The following ANAPC15 variants were observed in gnomAD, a reference collection of about 807,000 sequenced individuals.
ANAPC15 encodes anaphase-promoting complex subunit 15.
Under a neutral mutation model 19.8 loss-of-function variants are expected in ANAPC15, and 13 were observed. That is an observed-to-expected ratio of 0.66 (90% CI 0.43 to 1.04). The LOEUF (loss-of-function observed/expected upper bound fraction) is 1.04. Among genes scored for constraint, ANAPC15 ranks in the 50% least tolerant of loss-of-function variants. ANAPC15 has a pLI of 0.00. For synonymous variants in ANAPC15, 45 were observed against 50.7 expected (o/e 0.89, Z 0.47); for missense variants, 88 against 150.3 (o/e 0.59, Z 2.17).
At position 72,111,095 on chromosome 11, in the gene ANAPC15, G is replaced by A. The variant is rs1946753554; in HGVS notation, c.120+62C>T. 8 of 1,002,740 alleles carry A rather than the reference G, an allele frequency of 8.0e-6. No individual in the cohort carries two copies. In the South Asian group the frequency reaches 9.4e-5, roughly 12 times the overall value. 62.1% of individuals were successfully genotyped at this position (1,002,740 alleles called of 1,614,324 possible). On this transcript the variant is annotated intron_variant, in intron 3 of 5. Coordinates refer to ENST00000227618, the MANE Select transcript of ANAPC15 (RefSeq NM_014042.3). ...ATTTCTGGAGTAAGGCTGGGTCATG[G>A]CCCACTGAAGGAGGTCTCTGTCTGT...
Position 72,109,597 on chromosome 11 carries a change from C to T in ANAPC15, c.*284G>A. Reference sequence around the variant, plus strand: ...GGGAATAGACATGGGTGGAAAATCACTCCTTTGTCTTTATTAAAGAAACTT... The same window carrying T: ...GGGAATAGACATGGGTGGAAAATCATTCCTTTGTCTTTATTAAAGAAACTT... On this transcript the variant is annotated 3_prime_UTR_variant, in exon 6 of 6. Coordinates refer to ENST00000227618, the MANE Select transcript of ANAPC15 (RefSeq NM_014042.3). The T allele has an allele frequency of 3.6e-6, 2 of 552,640 alleles. No homozygotes were observed. The highest frequency in any genetic ancestry group is 4.1e-5 in the South Asian group (2 of 49,144). The allele number at this position is 552,640 out of a possible 1,614,324, so 34.2% of individuals were successfully genotyped here.
intron 3 of ANAPC15, chr11:72,110,864 C>G (rs1479539397): frequency 3.5e-6 from 2 of 577,432 alleles, no homozygotes; most frequent in African/African-American, 1.9e-5. Flanking sequence ...AAAGCATCAT[C>G]TGCTAGATCC....
chr11:72,108,122 C>A, downstream of ANAPC15: 2 of 1,495,978 alleles, frequency 1.3e-6, no homozygotes, highest in South Asian at 1.3e-5. Context: ...AGCACATGGT[C>A]AGCCTCCCAT....
At chr11:72,110,021 T>C (rs1484928645) in intron 5 of ANAPC15, 67 bp downstream of exon 5, 1 of 1,613,990 alleles carries the variant, frequency 6.2e-7, no homozygotes, top group South Asian at 1.1e-5. Context: ...TCTGTACCCC[T>C]TGGCCATCAA....
At chr11:72,107,312 C>T (rs1381872952), downstream of ANAPC15, 3 of 607,670 alleles carry the variant, frequency 4.9e-6, no homozygotes, top group Non-Finnish European at 5.9e-6. Context: ...ATCAGAAATA[C>T]ATTTGATGAG....
rs1946319663 is a variant in ANAPC15, at chr11:72,110,106, A to G, written c.300T>C (p.Asp100=). 1 of 1,613,974 alleles carries G rather than the reference A, an allele frequency of 6.2e-7. No homozygotes were observed. The highest frequency in any genetic ancestry group is 1.1e-5 in the South Asian group (1 of 91,088). The change falls in exon 5 of 6, where the codon GAT becomes GAC. Residue 100 remains aspartate, a synonymous_variant. Transcript: ENST00000227618. ...TGCCTACCTCATTGACCTCTCCATC[A>G]TCCGGTGACTCATTGTAGTCATTCA... ...DEMNDYNESP[D]DGEVNEVDME...
At chr11:72,112,770 C>G (rs61889218), upstream of ANAPC15, 1 of 456,124 alleles carries the variant, frequency 2.2e-6, no homozygotes. Flanking sequence ...TTGTTTTCCC[C>G]GCTCCCGCCC....
chr11:72,107,207 C>T, downstream of ANAPC15: 1 of 536,954 alleles, frequency 1.9e-6, no homozygotes, highest in Non-Finnish European at 3.3e-6. Context: ...GTCAAGGCTG[C>T]AGTGAGCCGT....
At chr11:72,112,452 G>A in intron 1 of ANAPC15, 198 bp downstream of exon 1, 1 of 274,198 alleles carries the variant, frequency 3.6e-6, no homozygotes, top group South Asian at 2.9e-5. Context: ...GACAGGAAGT[G>A]ACACCAATGA....
downstream of ANAPC15, chr11:72,108,249 T>G (rs897534057): frequency 2.6e-6 from 2 of 775,054 alleles, no homozygotes; most frequent in African/African-American, 3.5e-5. Context: ...CTGGATGGTG[T>G]GTGAGCTCCT....
downstream of ANAPC15, chr11:72,106,672 G>A (rs1945717347): frequency 6.5e-6 from 1 of 153,176 alleles, no homozygotes. Flanking sequence ...GCTGTGTGGT[G>A]GCTGGTGCCT....
In ANAPC15 at chr11:72,110,538, A is replaced by G. The variant is rs1946511230; in HGVS notation, c.180+6T>C. 6.2e-7 allele frequency: 1 copy of G among 1,614,008 alleles called. No individual in the cohort carries two copies. Among genetic ancestry groups the G allele is most frequent in the Admixed American group, 1.7e-5 (1 of 59,994 alleles). On this transcript the variant is annotated splice_donor_region_variant and intron_variant, in intron 4 of 5. Transcript: ENST00000227618. ...CACACAGGCCCCACCTGCTAGAGCC[A>G]CTCACCTCTGAGGCTGGCTTGCCAA... is the stretch of plus-strand genomic sequence containing the variant.
At chr11:72,107,937 C>A (rs762128762), downstream of ANAPC15, 1 of 1,551,676 alleles carries the variant, frequency 6.4e-7, no homozygotes, top group South Asian at 1.2e-5. Flanking sequence ...GATCCTGATG[C>A]GGCTGGTGGA....
Position 72,111,144 on chromosome 11 carries a change from G to GGTCT in ANAPC15, c.120+12_120+13insAGAC. On this transcript the variant is annotated intron_variant, in intron 3 of 5. Transcript: ENST00000227618. ...GTGCTGAGGTCTCTGTGCTGTGCTA[G>GGTCT]CTGCTCACTCACCCAGGCCTGATGC... 3.9e-6 allele frequency: 6 copies of GGTCT among 1,529,532 alleles called. No homozygotes were observed. The highest frequency in any genetic ancestry group is 5.4e-6 in the Non-Finnish European group (6 of 1,103,202). The allele number at this position is 1,529,532 out of a possible 1,614,324, so 94.7% of individuals were successfully genotyped here. A position where few individuals can be genotyped will look rare whatever the true frequency, so the allele number is the denominator to read the frequency against.
At chr11:72,109,034 G>T, downstream of ANAPC15, 1 of 951,236 alleles carries the variant, frequency 1.1e-6, no homozygotes, top group Admixed American at 2.9e-5. Context: ...GCTGGGCTCA[G>T]GGCTAGGGAG....
chr11:72,108,901 G>T, downstream of ANAPC15: 1 of 1,545,290 alleles, frequency 6.5e-7, no homozygotes. Context: ...GAATAGCTCA[G>T]CTCACCTATG....
chr11:72,106,598 C>T (rs928693490), downstream of ANAPC15: 1 of 162,162 alleles, frequency 6.2e-6, no homozygotes, highest in Non-Finnish European at 1.3e-5. Flanking sequence ...TTTAGGGTAG[C>T]TGTCTGCCTG....
chr11:72,112,562 G>A (rs1947306276), intron 1 of ANAPC15, 88 bp downstream of exon 1: 1 of 422,172 alleles, frequency 2.4e-6, no homozygotes, highest in Non-Finnish European at 4.7e-6. Flanking sequence ...GGAGCTCCTG[G>A]GGAGTCGGGT....
downstream of ANAPC15, chr11:72,107,401 G>A (rs1006100075): frequency 1.4e-6 from 1 of 697,018 alleles, no homozygotes; most frequent in Non-Finnish European, 2.6e-6. Flanking sequence ...GTTTCTGCCT[G>A]GGACTTCATG....
Sources: gnomAD v4.1 joint callset for allele counts on GRCh38, gnomAD v4.1.1 for gene constraint, MANE v1.5 for transcripts, NCBI Gene and HGNC (gene_info 2026-07-23, HGNC 2026-07-21) for gene names.